Variants in MBD5 observed in about 807,000 individuals in gnomAD.
MBD5 encodes methyl-CpG binding domain protein 5.
Under a neutral mutation model 117.3 loss-of-function variants are expected in MBD5, and 13 were observed. The observed-to-expected ratio is 0.11, with a 90% CI of 0.07 to 0.18. The LOEUF is 0.18. Ranked by LOEUF, MBD5 falls within the 10% of genes least tolerant of loss-of-function variation. The pLI is 1.00. For synonymous variants in MBD5, 727 were observed against 766.4 expected (o/e 0.95, Z 0.85); for missense variants, 1,879 against 2,093.8 (o/e 0.90, Z 2.00).
intron 4 of MBD5, among the ~76,000 whole-genome samples, chr2:148,421,727 A>G (rs1705613900): frequency 6.6e-6 from 1 of 152,124 alleles, no homozygotes; most frequent in East Asian, 1.9e-4. Context: ...TCCACCTGGG[A>G]CACTCGAGCT....
rs1288745260 is a variant in MBD5, at chr2:148,515,366, A to G, written c.*2425A>G. Reference sequence around the variant, plus strand: ...TGTGCCCATGATTTCACTGGTTGCTATGGCTTTGATATGGGTGCTAGGTGT... The same window carrying G: ...TGTGCCCATGATTTCACTGGTTGCTGTGGCTTTGATATGGGTGCTAGGTGT... On this transcript the variant is annotated 3_prime_UTR_variant, in exon 14 of 14. Coordinates refer to ENST00000642680, the MANE Select transcript of MBD5 (RefSeq NM_001378120.1). The G allele has an allele frequency of 6.6e-6, 1 of 152,100 alleles. No homozygotes were observed. Among genetic ancestry groups the G allele is most frequent in the Non-Finnish European group, 1.5e-5 (1 of 68,030 alleles). The allele number at this position is 152,100 out of a possible 1,614,324, so 9.4% of individuals were successfully genotyped here.
intron 4 of MBD5, among the ~76,000 whole-genome samples, chr2:148,371,346 T>C (rs1703847452): frequency 6.6e-6 from 1 of 152,058 alleles, no homozygotes; most frequent in South Asian, 2.1e-4. Flanking sequence ...CCTACTTTTT[T>C]CCCCCTCAAT....
At chr2:148,473,964 A>G (rs142057100) in intron 8 of MBD5, among the ~76,000 whole-genome samples, 1 of 152,156 alleles carries the variant, frequency 6.6e-6, no homozygotes, top group East Asian at 1.9e-4. Context: ...GACCAGTAGG[A>G]TACTTGGTGA....
chr2:148,161,209 C>T (rs113509144), intron 1 of MBD5, among the ~76,000 whole-genome samples: 11 of 152,312 alleles, frequency 7.2e-5, no homozygotes, highest in African/African-American at 2.4e-4. Context: ...ACACCCCTAT[C>T]TTAGGCTTAA....
At chr2:148,198,922 ATATATGTATGTATGTG>A (rs200956783) in intron 2 of MBD5, among the ~76,000 whole-genome samples, 5,099 of 151,790 alleles carry the variant, frequency 0.034, 114 homozygotes, top group Middle Eastern at 0.069. Context: ...GGGGGAATAT[ATATATGTATGTATGTG>A]TATATGTATG....
At chr2:148,299,798 C>T (rs1701740520) in intron 3 of MBD5, among the ~76,000 whole-genome samples, 1 of 152,174 alleles carries the variant, frequency 6.6e-6, no homozygotes, top group South Asian at 2.1e-4. Flanking sequence ...GTAGAGTACA[C>T]TTTAAATGCT....
rs559692321 is a variant in MBD5 at position 148,433,302 on chromosome 2, A to G, written c.-556-24901A>G. ...ATATAAAATCATGTCATCTGCAAACAGGGGTAGTTTGACTTCCTCTCTATT... is the reference window on the plus strand; with the variant it reads ...ATATAAAATCATGTCATCTGCAAACGGGGGTAGTTTGACTTCCTCTCTATT... On this transcript the variant is annotated intron_variant, in intron 4 of 13. Coordinates refer to ENST00000642680, the MANE Select transcript of MBD5 (RefSeq NM_001378120.1). 4.0e-4 allele frequency among the ~76,000 whole-genome samples: 61 copies of G among 152,290 alleles called. 1 individual carries two copies. In the South Asian group the frequency reaches 0.01, roughly 26 times the overall value.
intron 4 of MBD5, among the ~76,000 whole-genome samples, chr2:148,421,184 C>T (rs143776653): frequency 1.2e-3 from 190 of 152,260 alleles, no homozygotes; most frequent in African/African-American, 4.3e-3. Flanking sequence ...GCAAGATTGA[C>T]GCATAAGGCA....
chr2:148,430,324 C>T lies in MBD5; in HGVS notation c.-556-27879C>T, dbSNP rs565503259. On this transcript the variant is annotated intron_variant, in intron 4 of 13. Transcript: ENST00000642680. ...AAGTAACTGTCACTAAGTCTCACAG[C>T]AAGTAGCAGACTAAGATGTAATCCT... 1.4e-4 allele frequency among the ~76,000 whole-genome samples: 21 copies of T among 152,236 alleles called. 1 individual carries two copies. In the South Asian group the frequency reaches 3.7e-3, roughly 27 times the overall value.
At chr2:148,397,669 T>C (rs1363907013) in intron 4 of MBD5, among the ~76,000 whole-genome samples, 1 of 152,188 alleles carries the variant, frequency 6.6e-6, no homozygotes, top group African/African-American at 2.4e-5. Flanking sequence ...TTTTTTATTA[T>C]ACTTTAACTT....
chr2:148,068,516 C>G (rs1490473925), intron 1 of MBD5: 1 of 152,140 alleles, frequency 6.6e-6, no homozygotes, highest in African/African-American at 2.4e-5. Flanking sequence ...GTGATGCTGT[C>G]TCTGTGTCAT....
intron 1 of MBD5, among the ~76,000 whole-genome samples, chr2:148,039,321 C>G (rs1694293477): frequency 6.6e-6 from 1 of 151,942 alleles, no homozygotes; most frequent in Non-Finnish European, 1.5e-5. Flanking sequence ...GGGACACATA[C>G]TATTTTTACT....
intron 1 of MBD5, among the ~76,000 whole-genome samples, chr2:148,083,032 T>C (rs1490599543): frequency 6.6e-6 from 1 of 152,134 alleles, no homozygotes; most frequent in African/African-American, 2.4e-5. Flanking sequence ...AGATACTAAG[T>C]GAGAGAGGGG....
intron 2 of MBD5, among the ~76,000 whole-genome samples, chr2:148,188,263 G>C (rs916672683): frequency 1.3e-5 from 2 of 152,106 alleles, no homozygotes; most frequent in Non-Finnish European, 2.9e-5. Flanking sequence ...ATATTATTAG[G>C]AAATTATAGG....
rs185173470 is a variant in MBD5, at chr2:148,381,011, A to C, written c.-557+38675A>C. Among the ~76,000 whole-genome samples, 176 of 152,286 alleles carry C rather than the reference A, an allele frequency of 1.2e-3. 1 individual carries two copies. Among genetic ancestry groups the C allele is most frequent in the South Asian group, 6.4e-3 (31 of 4,828 alleles). ...AGACCAAAGGTAGATAAAACCACAA[A>C]GATGGGGAAAAAACAGAGCAGAAAA... On this transcript the variant is annotated intron_variant, in intron 4 of 13. Transcript: ENST00000642680.
intron 1 of MBD5, among the ~76,000 whole-genome samples, chr2:148,031,641 A>C (rs1694043022): frequency 6.6e-6 from 1 of 152,162 alleles, no homozygotes; most frequent in Non-Finnish European, 1.5e-5. Context: ...GAAAAGAAAG[A>C]AGTAGAGAAA....
At chr2:148,136,360 A>G (rs990965805) in intron 1 of MBD5, among the ~76,000 whole-genome samples, 2 of 152,144 alleles carry the variant, frequency 1.3e-5, no homozygotes, top group Non-Finnish European at 2.9e-5. Context: ...TTGTACATAG[A>G]TAAGTTAAAA....
At chr2:148,275,094 A>G (rs745538898) in intron 3 of MBD5, among the ~76,000 whole-genome samples, 7 of 152,036 alleles carry the variant, frequency 4.6e-5, no homozygotes, top group Non-Finnish European at 8.8e-5. Flanking sequence ...TTTGTTTTAG[A>G]TTATATGTTT....
At chr2:148,485,485 A>T in intron 9 of MBD5, 1 of 451,796 alleles carries the variant, frequency 2.2e-6, no homozygotes, top group Non-Finnish European at 4.0e-6. Context: ...ATATATAAGG[A>T]CTGCCTAATG....
Sources: gnomAD v4.1 joint callset for allele counts (sites outside exome capture counted in the v4.1 genomes callset) on GRCh38, gnomAD v4.1.1 for gene constraint, MANE v1.5 for transcripts, NCBI Gene and HGNC (gene_info 2026-07-23, HGNC 2026-07-21) for gene names.